Variants in VGLL4 observed in about 807,000 individuals in gnomAD.
VGLL4 encodes transcription cofactor vestigial-like protein 4.
Under a neutral mutation model 21.0 loss-of-function variants are expected in VGLL4, and 7 were observed. The ratio of observed to expected loss-of-function variants is 0.33; its 90% confidence interval spans 0.19 to 0.63. VGLL4 has a LOEUF of 0.63. VGLL4 is among the 20% of genes least tolerant of loss of function. The pLI is 0.78. For missense variants in VGLL4, 394 were observed against 425.7 expected (o/e 0.93, Z 0.66); for synonymous variants, 222 against 173.2 (o/e 1.28, Z -2.21).
At chr3:11,706,855 C>G (rs984260254) in intron 1 of VGLL4, among the ~76,000 whole-genome samples, 2 of 152,168 alleles carry the variant, frequency 1.3e-5, no homozygotes, top group Non-Finnish European at 1.5e-5. Flanking sequence ...TGAAAATCCA[C>G]GTTAGGAAGC....
intron 2 of VGLL4, among the ~76,000 whole-genome samples, chr3:11,685,276 G>A (rs939327970): frequency 4.0e-5 from 6 of 148,524 alleles, no homozygotes; most frequent in African/African-American, 1.5e-4. Context: ...TCAGCTTACT[G>A]CAACCTCTGC....
At chr3:11,633,830 A>C (rs1229783541) in intron 1 of VGLL4, among the ~76,000 whole-genome samples, 2 of 152,194 alleles carry the variant, frequency 1.3e-5, no homozygotes, top group Non-Finnish European at 2.9e-5. Flanking sequence ...GTTTCACGTT[A>C]TGTGGACTGC....
chr3:11,665,611 C>A (rs2076110634), intron 2 of VGLL4, among the ~76,000 whole-genome samples: 1 of 152,196 alleles, frequency 6.6e-6, no homozygotes, highest in Admixed American at 6.5e-5. Flanking sequence ...CAAAGGAAGC[C>A]AAGTCCTGAC....
chr3:11,718,765 C>T (rs2076951907), intron 1 of VGLL4, among the ~76,000 whole-genome samples: 1 of 152,092 alleles, frequency 6.6e-6, no homozygotes, highest in Non-Finnish European at 1.5e-5. Context: ...CCAGCAGAAC[C>T]GCCTCCACTT....
chr3:11,592,956 C>T (rs571735093), intron 2 of VGLL4, among the ~76,000 whole-genome samples: 6 of 152,248 alleles, frequency 3.9e-5, no homozygotes, highest in Non-Finnish European at 5.9e-5. Context: ...TGCTGAGAAT[C>T]AGGACCTATC....
intron 2 of VGLL4, among the ~76,000 whole-genome samples, chr3:11,600,995 G>T (rs935677454): frequency 1.3e-5 from 2 of 152,128 alleles, no homozygotes; most frequent in Non-Finnish European, 2.9e-5. Context: ...AGACTCTCTG[G>T]GCAGCTGGTG....
intron 2 of VGLL4, among the ~76,000 whole-genome samples, chr3:11,667,274 G>C (rs945196485): frequency 1.2e-4 from 18 of 152,206 alleles, no homozygotes; most frequent in Non-Finnish European, 2.1e-4. Context: ...ACAGAGCTTG[G>C]GCTTCATTCC....
At chr3:11,663,232 T>C (rs1380093006) in intron 2 of VGLL4, among the ~76,000 whole-genome samples, 2 of 152,184 alleles carry the variant, frequency 1.3e-5, no homozygotes, top group Non-Finnish European at 2.9e-5. Context: ...TCTACAGTGA[T>C]GGACACTCCT....
chr3:11,572,965 T>C (rs2073833161), intron 2 of VGLL4, among the ~76,000 whole-genome samples: 1 of 151,910 alleles, frequency 6.6e-6, no homozygotes, highest in African/African-American at 2.4e-5. Flanking sequence ...GTCAGGAGTT[T>C]GAGACCGGCC....
intron 2 of VGLL4, among the ~76,000 whole-genome samples, chr3:11,667,512 A>G (rs977987928): frequency 1.3e-5 from 2 of 152,142 alleles, no homozygotes; most frequent in South Asian, 4.1e-4. Flanking sequence ...TGCATGTTTT[A>G]TCTTACCTAT....
At chr3:11,589,538 C>T (rs1205212455) in intron 2 of VGLL4, among the ~76,000 whole-genome samples, 1 of 152,038 alleles carries the variant, frequency 6.6e-6, no homozygotes, top group African/African-American at 2.4e-5. Flanking sequence ...TTTTGTTAGG[C>T]AATATTTATG....
intron 3 of VGLL4, 98 bp downstream of exon 3, chr3:11,564,699 T>TCACCACCTCCCTCCCA: frequency 4.6e-6 from 6 of 1,312,706 alleles, no homozygotes; most frequent in Non-Finnish European, 5.2e-6. Flanking sequence ...CCTCCCTCCC[T>TCACCACCTCCCTCCCA]CACCACCGCC....
chr3:11,579,056 A>ATTCTTTAAAGTACTATTAG (rs2074148321), intron 2 of VGLL4, among the ~76,000 whole-genome samples: 3 of 152,008 alleles, frequency 2.0e-5, no homozygotes, highest in African/African-American at 7.2e-5. Context: ...CCTCTACTGT[A>ATTCTTTAAAGTACTATTAG]TATTCTTTAA....
chr3:11,568,700 C>A lies in VGLL4; in HGVS notation c.273-3681G>T. 1 of 1,550,420 alleles carries A rather than the reference C, an allele frequency of 6.4e-7. No individual in the cohort carries two copies. Among genetic ancestry groups the A allele is most frequent in the Non-Finnish European group, 8.7e-7 (1 of 1,146,606 alleles). On this transcript the variant is annotated intron_variant, in intron 2 of 4. Coordinates refer to ENST00000430365, the MANE Select transcript of VGLL4 (RefSeq NM_001128219.3). The surrounding 1 kb of genome is among the most constrained non-coding windows in gnomAD (Gnocchi z 5.9). ...ATGAATCACCTCCCGGCCACTGCTT[C>A]CCAGGCGTCATGTGCTCCCGGGGAC...
intron 2 of VGLL4, among the ~76,000 whole-genome samples, chr3:11,679,779 T>A (rs1158301984): frequency 1.3e-5 from 2 of 152,316 alleles, no homozygotes; most frequent in East Asian, 3.9e-4. Context: ...CTAAGTATTA[T>A]TATGAGTCAA....
chr3:11,707,115 A>G (rs2076771374), intron 1 of VGLL4, among the ~76,000 whole-genome samples: 1 of 151,832 alleles, frequency 6.6e-6, no homozygotes, highest in East Asian at 1.9e-4. Flanking sequence ...CAGCAGTTGG[A>G]GAACAGCCTG....
In VGLL4 at chr3:11,565,054, T is replaced by C. The variant is rs774764276; in HGVS notation, c.273-35A>G. On this transcript the variant is annotated intron_variant, in intron 2 of 4. Transcript: ENST00000430365. The surrounding 1 kb of genome is among the most constrained non-coding windows in gnomAD (Gnocchi z 4.1). The stretch of plus-strand genomic sequence containing the variant: ...AGGAATGGGCATTCAGGGGGCGTTT[T>C]CTCAAAGGCAAAGGGGACAGTGACT... 1.4e-6 allele frequency: 2 copies of C among 1,461,140 alleles called. No homozygotes were observed. Among genetic ancestry groups the C allele is most frequent in the Non-Finnish European group, 1.8e-6 (2 of 1,106,702 alleles). 90.5% of individuals were successfully genotyped at this position (1,461,140 alleles called of 1,614,324 possible).
At chr3:11,590,663 AGTGTGTGTGTGTGTGTGTGTGTGTGTGT>A (rs10592668) in intron 2 of VGLL4, among the ~76,000 whole-genome samples, 1 of 147,274 alleles carries the variant, frequency 6.8e-6, no homozygotes, top group Non-Finnish European at 1.5e-5. Flanking sequence ...CAAAATGAAG[AGTGTGTGTGTGTGTGTGTGTGTGTGTGT>A]GTGTGTGTGT....
chr3:11,566,816 G>C (rs548067602), intron 2 of VGLL4, among the ~76,000 whole-genome samples: 1 of 152,246 alleles, frequency 6.6e-6, no homozygotes, highest in South Asian at 2.1e-4. Context: ...CCTCACACAC[G>C]GCAGCCTCTG....
Sources: gnomAD v4.1 joint callset for allele counts (sites outside exome capture counted in the v4.1 genomes callset) on GRCh38, gnomAD v4.1.1 for gene constraint, Gnocchi (gnomAD v3.1) non-coding constraint, MANE v1.5 for transcripts, NCBI Gene and HGNC (gene_info 2026-07-23, HGNC 2026-07-21) for gene names.